The following MGA variants were observed in gnomAD, a reference collection of about 807,000 sequenced individuals.
MGA encodes MAX dimerization protein MGA, also known as MAX gene-associated protein.
A neutral mutation model predicts 261.1 loss-of-function variants in MGA; 40 were observed. The observed-to-expected ratio is 0.15, with a 90% CI of 0.12 to 0.20. The LOEUF (loss-of-function observed/expected upper bound fraction) is 0.20, where lower values mean the gene tolerates loss of function less well. Among genes scored for constraint, MGA ranks in the 10% least tolerant of loss-of-function variants. The pLI, the probability that MGA is intolerant of heterozygous loss-of-function variation, is 1.00. For missense variants in MGA, 3,397 were observed against 3,630.5 expected, an observed-to-expected ratio of 0.94 and a Z score of 1.65; for synonymous variants, 1,302 against 1,290.6, an observed-to-expected ratio of 1.01 and a Z score of -0.19.
At chr15:41,738,707 T>C (rs2061927720) in intron 13 of MGA, among the ~76,000 whole-genome samples, 1 of 152,168 alleles carries the variant, frequency 6.6e-6, no homozygotes, top group African/African-American at 2.4e-5. Flanking sequence ...CTTTGTAAAC[T>C]TTGGGGAAGC....
intron 2 of MGA, among the ~76,000 whole-genome samples, chr15:41,673,634 C>T (rs2058206330): frequency 6.7e-6 from 1 of 148,876 alleles, no homozygotes; most frequent in Admixed American, 6.8e-5. Flanking sequence ...CCTCTGCTTC[C>T]TGGGTTCAAG....
chr15:41,678,553 C>G (rs1240363001), intron 2 of MGA, among the ~76,000 whole-genome samples: 1 of 150,636 alleles, frequency 6.6e-6, no homozygotes, highest in Non-Finnish European at 1.5e-5. Flanking sequence ...ATCACGAGGT[C>G]AGAAGTTGGG....
rs370791782 is a variant in MGA at position 41,711,088 on chromosome 15, T to C, written c.2823T>C (p.Asn941=). 5.0e-6 allele frequency: 8 copies of C among 1,614,054 alleles called. No individual in the cohort carries two copies. The African/African-American group carries it at 1.1e-4, about 22-fold the overall frequency. Residue 941 remains asparagine (N), a synonymous_variant, in exon 8 of 24, where the codon AAT becomes AAC. Coordinates refer to ENST00000219905, the MANE Select transcript of MGA (RefSeq NM_001164273.2). The stretch of plus-strand genomic sequence containing the variant: ...TTCTAGGAGATAAGGTTACCAAGAA[T>C]TCTTCAGGCATCATCTCAGAAAATC...
At chr15:41,756,400 G>A (rs1029282117) in intron 18 of MGA, among the ~76,000 whole-genome samples, 1 of 152,194 alleles carries the variant, frequency 6.6e-6, no homozygotes, top group African/African-American at 2.4e-5. Flanking sequence ...CTTCAAAAGT[G>A]GAGATTTCTG....
chr15:41,656,964 G>C (rs1186004438), upstream of MGA, among the ~76,000 whole-genome samples: 2 of 151,928 alleles, frequency 1.3e-5, no homozygotes, highest in African/African-American at 2.4e-5. Flanking sequence ...GCAGAGATGG[G>C]TTCTCACTAT....
intron 12 of MGA, among the ~76,000 whole-genome samples, chr15:41,735,476 G>A (rs1429746233): frequency 6.6e-6 from 1 of 152,146 alleles, no homozygotes; most frequent in Non-Finnish European, 1.5e-5. Flanking sequence ...AGTGGCTCAC[G>A]CCTGTAATCC....
At chr15:41,643,475 T>C (rs1040782505) in intron 1 of MGA, among the ~76,000 whole-genome samples, 10 of 149,080 alleles carry the variant, frequency 6.7e-5, no homozygotes, top group Non-Finnish European at 1.2e-4. Context: ...TTCCTGACCT[T>C]GTGATCTGCC....
intron 5 of MGA, among the ~76,000 whole-genome samples, chr15:41,706,433 G>T (rs886953569): frequency 6.6e-6 from 1 of 151,556 alleles, no homozygotes; most frequent in Admixed American, 6.6e-5. Flanking sequence ...TGTTCAGATA[G>T]ATTTTATGTA....
chr15:41,649,966 C>T (rs980441186), intron 1 of MGA, among the ~76,000 whole-genome samples: 3 of 152,118 alleles, frequency 2.0e-5, no homozygotes, highest in Non-Finnish European at 2.9e-5. Flanking sequence ...CAGGCGTGAG[C>T]CACCGCGCCC....
chr15:41,732,381 G>C (rs2695166), intron 11 of MGA, among the ~76,000 whole-genome samples: 120,493 of 152,010 alleles, frequency 0.79, 48,186 homozygotes, highest in East Asian at 0.89. Flanking sequence ...GTCTCCTGAC[G>C]TCGTGATCCG....
rs1462023441 is a variant in MGA at position 41,707,867 on chromosome 15, T to C, written c.2320+8T>C. On this transcript the variant is annotated splice_region_variant and intron_variant, in intron 6 of 23. Transcript: ENST00000219905. ...CCAACCCTGCCTCTCCTGGTGAGTATGTAACATTTGTAAAGTCAAACACTA... is the reference window on the plus strand; with the variant it reads ...CCAACCCTGCCTCTCCTGGTGAGTACGTAACATTTGTAAAGTCAAACACTA... 6.3e-6 allele frequency: 10 copies of C among 1,595,208 alleles called. No homozygotes were observed. Among genetic ancestry groups the C allele is most frequent in the Admixed American group, 3.7e-5 (2 of 53,890 alleles).
chr15:41,736,262 C>T lies in MGA; in HGVS notation c.3998C>T (p.Thr1333Ile). The stretch of plus-strand genomic sequence containing the variant: ...CATCAGAGGTCACCTGGTGGTCCCA[C>T]CAAACTGATTGAGATCATCTCAGAC... The change falls in exon 13 of 24, where the codon ACC (threonine) becomes ATC (isoleucine). Residue 1333 changes from threonine (T) to isoleucine (I), a missense_variant. By Grantham distance (89) the Thr-to-Ile change is moderately conservative. This residue lies in a region of MGA where 1,410 missense variants were observed against 1,386.4 expected (regional missense o/e 1.02). Coordinates refer to ENST00000219905, the MANE Select transcript of MGA (RefSeq NM_001164273.2). 6.2e-7 allele frequency: 1 copy of T among 1,613,968 alleles called. No homozygotes were observed. Among genetic ancestry groups the T allele is most frequent in the Non-Finnish European group, 8.5e-7 (1 of 1,179,882 alleles).
At position 41,766,722 on chromosome 15, in the gene MGA, G is replaced by C; in HGVS notation, c.8640G>C (p.Leu2880Phe). ...GAGCAACTTTCCAGGTTGAGCACTT[G>C]GGAACTGGTTTGAAAGAGTTGCCTG... Residue 2880 changes from leucine to phenylalanine, a missense_variant, in exon 24 of 24, where the codon TTG becomes TTC. Leu to Phe is a conservative substitution (Grantham distance 22). Around this residue, in one of 9 missense-constraint regions of MGA, gnomAD observed 647 missense variants for 642.4 expected, o/e 1.01. Coordinates refer to ENST00000219905, the MANE Select transcript of MGA (RefSeq NM_001164273.2). The C allele has an allele frequency of 6.2e-7, 1 of 1,613,964 alleles. No homozygotes were observed. The highest frequency in any genetic ancestry group is 8.5e-7 in the Non-Finnish European group (1 of 1,179,886).
intron 8 of MGA, among the ~76,000 whole-genome samples, chr15:41,712,618 G>A (rs958861801): frequency 1.3e-5 from 2 of 152,044 alleles, no homozygotes; most frequent in African/African-American, 2.4e-5. Context: ...TATTTTATTC[G>A]TTATTAATCC....
chr15:41,763,853 T>C (rs550745539), intron 22 of MGA, among the ~76,000 whole-genome samples: 5 of 152,172 alleles, frequency 3.3e-5, no homozygotes, highest in African/African-American at 4.8e-5. Context: ...GTGTTACTTA[T>C]ATTCTTAGAG....
At chr15:41,676,162 T>C (rs1375079187) in intron 2 of MGA, among the ~76,000 whole-genome samples, 1 of 152,214 alleles carries the variant, frequency 6.6e-6, no homozygotes, top group Non-Finnish European at 1.5e-5. Context: ...AATGACATTA[T>C]TATAGAGAGA....
chr15:41,737,440 C>T lies in MGA; in HGVS notation c.4434+742C>T, dbSNP rs555035786. Among the ~76,000 whole-genome samples the T allele has an allele frequency of 2.6e-5, 4 of 151,904 alleles. No individual in the cohort carries two copies. In the East Asian group the frequency reaches 7.8e-4, roughly 29 times the overall value. ...AAAGTGCTAGGATTACAGGGGTGAG[C>T]CACCATGCATGGCTGAAAATTTTAA... is the stretch of plus-strand genomic sequence containing the variant. On this transcript the variant is annotated intron_variant, in intron 13 of 23. Transcript: ENST00000219905.
At chr15:41,761,615 G>A (rs538696431) in intron 20 of MGA, 124 bp from the exon 21 acceptor site, 3 of 580,512 alleles carry the variant, frequency 5.2e-6, no homozygotes, top group African/African-American at 1.9e-5. Flanking sequence ...ATTGTTAATG[G>A]AATTTAAAAA....
rs555057670 is a variant in MGA, at chr15:41,695,053, C to A, written c.1065-1022C>A. On this transcript the variant is annotated intron_variant, in intron 2 of 23. Transcript: ENST00000219905. ...GTGGTGTGTATAGTTTTTCTCAAAG[C>A]AGTTTTCATCCTGCTTTCCTGTGCT... 2.6e-5 allele frequency among the ~76,000 whole-genome samples: 4 copies of A among 152,208 alleles called. No individual in the cohort carries two copies. In the South Asian group the frequency reaches 8.3e-4, roughly 32 times the overall value.
Sources: gnomAD v4.1 joint callset for allele counts (sites outside exome capture counted in the v4.1 genomes callset) on GRCh38, gnomAD v4.1.1 for gene constraint, gnomAD v4.1.1 regional missense constraint, MANE v1.5 for transcripts, NCBI Gene and HGNC (gene_info 2026-07-23, HGNC 2026-07-21) for gene names.